Variants in CWC27 observed in about 807,000 individuals in gnomAD.
CWC27 encodes the protein CWC27 spliceosome associated cyclophilin, also known as spliceosome-associated protein CWC27 homolog.
CWC27 carries 47 observed loss-of-function variants against 63.6 expected under a neutral mutation model. That is an observed-to-expected ratio of 0.74 (90% CI 0.58 to 0.94). The LOEUF (loss-of-function observed/expected upper bound fraction) is 0.94, where lower values mean the gene tolerates loss of function less well. CWC27 is among the 40% of genes least tolerant of loss of function. The pLI is 0.00. For missense variants in CWC27, 495 were observed against 554.3 expected (o/e 0.89, Z 1.07); for synonymous variants, 175 against 179.8 (o/e 0.97, Z 0.22).
intron 11 of CWC27, among the ~76,000 whole-genome samples, chr5:64,897,056 CA>C (rs950973634): frequency 1.3e-5 from 2 of 151,882 alleles, no homozygotes; most frequent in Admixed American, 6.6e-5. Flanking sequence ...TACTAAAATA[CA>C]AAAAAATTAG....
At position 64,826,704 on chromosome 5, in the gene CWC27, T is replaced by G. The variant is rs1228840408; in HGVS notation, c.938+22318T>G. 2.4e-5 allele frequency among the ~76,000 whole-genome samples: 3 copies of G among 127,586 alleles called. No homozygotes were observed. The East Asian group carries it at 6.4e-4, about 27-fold the overall frequency. 83.7% of individuals were successfully genotyped at this position (127,586 alleles called of 152,430 possible). Reference sequence around the variant, plus strand: ...AATTTTTAACTTTGGTGTTTTTTTGTTTTTTTTTTTTGCTAATATCACAAT... The same window carrying G: ...AATTTTTAACTTTGGTGTTTTTTTGGTTTTTTTTTTTGCTAATATCACAAT... On this transcript the variant is annotated intron_variant, in intron 10 of 13. Coordinates refer to ENST00000381070, the MANE Select transcript of CWC27 (RefSeq NM_005869.4).
intron 10 of CWC27, among the ~76,000 whole-genome samples, chr5:64,814,750 C>G (rs566944704): frequency 2.0e-5 from 3 of 152,238 alleles, no homozygotes; most frequent in African/African-American, 7.2e-5. Flanking sequence ...AAAGATGTGA[C>G]ATTATTTCAC....
intron 9 of CWC27, among the ~76,000 whole-genome samples, chr5:64,801,737 T>C (rs1366226411): frequency 5.3e-5 from 8 of 152,164 alleles, no homozygotes; most frequent in Non-Finnish European, 1.0e-4. Context: ...CTCCTTTTTA[T>C]ATACACATTT....
intron 10 of CWC27, among the ~76,000 whole-genome samples, chr5:64,858,117 G>A (rs1746300548): frequency 1.0e-5 from 1 of 95,510 alleles, no homozygotes; most frequent in Non-Finnish European, 1.9e-5. Context: ...CAGCCTGGGC[G>A]ACAGAGCGAG....
rs920162147 is a variant in CWC27, at chr5:64,823,805, G to A, written c.938+19419G>A. 2.6e-5 allele frequency among the ~76,000 whole-genome samples: 4 copies of A among 152,294 alleles called. No individual in the cohort carries two copies. In the South Asian group the frequency reaches 6.2e-4, roughly 24 times the overall value. Reference sequence around the variant, plus strand: ...CCAGCCGGAACTCAAACTGGAGTAAGTAGGATATAAGAGTAATTTTGCTAG... The same window carrying A: ...CCAGCCGGAACTCAAACTGGAGTAAATAGGATATAAGAGTAATTTTGCTAG... On this transcript the variant is annotated intron_variant, in intron 10 of 13. Coordinates refer to ENST00000381070, the MANE Select transcript of CWC27 (RefSeq NM_005869.4).
At chr5:64,836,813 A>G (rs898951080) in intron 10 of CWC27, among the ~76,000 whole-genome samples, 3 of 152,034 alleles carry the variant, frequency 2.0e-5, no homozygotes, top group African/African-American at 4.8e-5. Flanking sequence ...ACTTTTCAGT[A>G]CTTTTAAATT....
chr5:64,920,125 C>T (rs1011833063), intron 11 of CWC27, among the ~76,000 whole-genome samples: 10 of 150,826 alleles, frequency 6.6e-5, no homozygotes, highest in African/African-American at 2.5e-4. Context: ...GCCATCATGC[C>T]CAGCTAATTT....
At chr5:64,811,697 A>G (rs1423696017) in intron 10 of CWC27, among the ~76,000 whole-genome samples, 2 of 152,064 alleles carry the variant, frequency 1.3e-5, no homozygotes, top group Admixed American at 1.3e-4. Flanking sequence ...CTTATTTGAT[A>G]AAGTTAACTG....
chr5:65,018,087 A>T, intron 13 of CWC27, 72 bp from the exon 14 acceptor site: 1 of 1,295,458 alleles, frequency 7.7e-7, no homozygotes, highest in African/African-American at 1.5e-5. Flanking sequence ...TATGTCGATG[A>T]TAGTAGAGTA....
chr5:64,866,124 T>A (rs1299126241), intron 10 of CWC27, among the ~76,000 whole-genome samples: 1 of 152,030 alleles, frequency 6.6e-6, no homozygotes, highest in Non-Finnish European at 1.5e-5. Context: ...GGTTTTCATA[T>A]CTATAAAGCA....
At chr5:64,816,971 T>TG (rs1745051758) in intron 10 of CWC27, among the ~76,000 whole-genome samples, 1 of 152,156 alleles carries the variant, frequency 6.6e-6, no homozygotes, top group African/African-American at 2.4e-5. Flanking sequence ...AGAGAGAACT[T>TG]GTTCCTTTTC....
At chr5:64,999,514 T>C (rs938990633) in intron 13 of CWC27, among the ~76,000 whole-genome samples, 2 of 152,062 alleles carry the variant, frequency 1.3e-5, no homozygotes, top group Non-Finnish European at 2.9e-5. Flanking sequence ...CAGCCCCTGG[T>C]AACCATCATT....
intron 11 of CWC27, among the ~76,000 whole-genome samples, chr5:64,963,618 G>C (rs145291226): frequency 1.2e-3 from 190 of 152,306 alleles, no homozygotes; most frequent in African/African-American, 4.4e-3. Context: ...TTGGGTTTTT[G>C]TGGCAAATGT....
In CWC27 at chr5:64,844,807, T is replaced by G. The variant is rs1745932986; in HGVS notation, c.938+40421T>G. Reference sequence around the variant, plus strand: ...GCCTAGACCTGTTTGACCCAGGCAGTCAAACAGCCACTCAACTCTGCCACA... The same window carrying G: ...GCCTAGACCTGTTTGACCCAGGCAGGCAAACAGCCACTCAACTCTGCCACA... On this transcript the variant is annotated intron_variant, in intron 10 of 13. Coordinates refer to ENST00000381070, the MANE Select transcript of CWC27 (RefSeq NM_005869.4). The G allele has an allele frequency of 9.2e-6, 4 of 435,342 alleles. No homozygotes were observed. In the Admixed American group the frequency reaches 9.8e-5, roughly 11 times the overall value. 27.0% of individuals were successfully genotyped at this position (435,342 alleles called of 1,614,324 possible). A position where few individuals can be genotyped will look rare whatever the true frequency, so the allele number is the denominator to read the frequency against.
chr5:64,933,357 T>C (rs552227319), intron 11 of CWC27, among the ~76,000 whole-genome samples: 1 of 152,332 alleles, frequency 6.6e-6, no homozygotes, highest in Admixed American at 6.5e-5. Context: ...TTGAAAAAAG[T>C]TTTAAACTTG....
rs1350040713 is a variant in CWC27 at position 64,786,221 on chromosome 5, T to TTTGGAATC, written c.496-302_496-295dup. Among the ~76,000 whole-genome samples the TTTGGAATC allele has an allele frequency of 9.2e-5, 14 of 151,554 alleles. No individual in the cohort carries two copies. The East Asian group carries it at 2.5e-3, about 27-fold the overall frequency. On this transcript the variant is annotated intron_variant, in intron 5 of 13. Coordinates refer to ENST00000381070, the MANE Select transcript of CWC27 (RefSeq NM_005869.4). ...TCATTGAGGAAGCAAGAATACTTGA[T>TTTGGAATC]TTGGAATCAAAGCATCTGAGTTGAT...
intron 13 of CWC27, among the ~76,000 whole-genome samples, chr5:64,978,496 G>C (rs1366023333): frequency 1.3e-5 from 2 of 152,154 alleles, no homozygotes; most frequent in African/African-American, 4.8e-5. Flanking sequence ...GGTGCCAAAG[G>C]CGAAGGCTCA....
At chr5:64,935,988 G>T (rs1748343403) in intron 11 of CWC27, among the ~76,000 whole-genome samples, 1 of 152,180 alleles carries the variant, frequency 6.6e-6, no homozygotes, top group Non-Finnish European at 1.5e-5. Flanking sequence ...ATCAGCTTAA[G>T]GAGATTTTGG....
At chr5:64,861,940 A>G (rs546984025) in intron 10 of CWC27, among the ~76,000 whole-genome samples, 1 of 152,358 alleles carries the variant, frequency 6.6e-6, no homozygotes, top group Non-Finnish European at 1.5e-5. Flanking sequence ...TTCTAATGTT[A>G]CATAGATACA....
Sources: allele counts gnomAD v4.1 joint callset (sites outside exome capture counted in the v4.1 genomes callset), GRCh38; gene constraint gnomAD v4.1.1; transcripts MANE v1.5; gene names NCBI Gene and HGNC (gene_info 2026-07-23, HGNC 2026-07-21).